The following CACNG2 variants were observed in gnomAD, a reference collection of about 807,000 sequenced individuals.
CACNG2 encodes voltage-dependent calcium channel gamma-2 subunit.
In CACNG2, 3 loss-of-function variants were observed where a neutral mutation model predicts 25.9. That is an observed-to-expected ratio of 0.12 (90% confidence interval 0.05 to 0.30). The LOEUF (loss-of-function observed/expected upper bound fraction) is 0.30. CACNG2 is among the 10% of genes least tolerant of loss of function. CACNG2 has a pLI of 1.00. For missense variants in CACNG2, 341 were observed against 432.5 expected (o/e 0.79, Z 1.88); for synonymous variants, 167 against 173.3 (o/e 0.96, Z 0.29).
chr22:36,596,456 A>T (rs1181853380), intron 1 of CACNG2, among the ~76,000 whole-genome samples: 1 of 151,964 alleles, frequency 6.6e-6, no homozygotes, highest in African/African-American at 2.4e-5. Flanking sequence ...TCATTCTTTC[A>T]GTGGGTAGTT....
chr22:36,595,426 G>A (rs971973140), intron 1 of CACNG2, among the ~76,000 whole-genome samples: 1 of 152,210 alleles, frequency 6.6e-6, no homozygotes, highest in Non-Finnish European at 1.5e-5. Flanking sequence ...GGAACCCACG[G>A]CAAATGCTAC....
chr22:36,641,654 C>T lies in CACNG2; in HGVS notation c.212-54106G>A, dbSNP rs766359536. On this transcript the variant is annotated intron_variant, in intron 1 of 3. Transcript: ENST00000300105. ...CCAGCTCTGTTTAGGTCTGTGTGTA[C>T]GACGATTCTCTAGGCAATTGAATTG... 5.9e-5 allele frequency among the ~76,000 whole-genome samples: 9 copies of T among 152,132 alleles called. No homozygotes were observed. In the South Asian group the frequency reaches 6.2e-4, roughly 11 times the overall value.
intron 1 of CACNG2, among the ~76,000 whole-genome samples, chr22:36,635,449 C>T (rs530045977): frequency 7.6e-4 from 115 of 152,184 alleles, no homozygotes; most frequent in African/African-American, 2.6e-3. Context: ...AAGCTACAAA[C>T]GAGGACAAAG....
chr22:36,626,221 C>A (rs1936181420), intron 1 of CACNG2, among the ~76,000 whole-genome samples: 1 of 152,116 alleles, frequency 6.6e-6, no homozygotes, highest in Non-Finnish European at 1.5e-5. Context: ...CACCCGGCGA[C>A]ACCTTTAAAA....
chr22:36,684,615 C>CAAAAAAA lies in CACNG2; in HGVS notation c.211+17744_211+17750dup, dbSNP rs10647451. 3.1e-3 allele frequency among the ~76,000 whole-genome samples: 315 copies of CAAAAAAA among 101,242 alleles called. 4 individuals are homozygous for CAAAAAAA. Among genetic ancestry groups the CAAAAAAA allele is most frequent in the Middle Eastern group, 0.017 (3 of 176 alleles). 66.4% of individuals were successfully genotyped at this position (101,242 alleles called of 152,430 possible). On this transcript the variant is annotated intron_variant, in intron 1 of 3. Transcript: ENST00000300105. ...TGGGCAACAGAGCGAGACCTTGTCT[C>CAAAAAAA]AAAAAAAAAAAAAAAACAAAGTAAA...
At chr22:36,636,045 A>C (rs1038143084) in intron 1 of CACNG2, among the ~76,000 whole-genome samples, 1 of 152,154 alleles carries the variant, frequency 6.6e-6, no homozygotes. Context: ...TTCTCCAGGC[A>C]GTTCGAGATC....
At chr22:36,686,909 G>A (rs994124702) in intron 1 of CACNG2, among the ~76,000 whole-genome samples, 1 of 152,352 alleles carries the variant, frequency 6.6e-6, no homozygotes, top group African/African-American at 2.4e-5. Flanking sequence ...CTCCAGGCAT[G>A]TGGCCACCTA....
chr22:36,572,655 T>C (rs1935251567), intron 2 of CACNG2, among the ~76,000 whole-genome samples: 1 of 149,952 alleles, frequency 6.7e-6, no homozygotes, highest in Non-Finnish European at 1.5e-5. Context: ...TGAGCTGAGA[T>C]CAAGCCACTG....
At chr22:36,662,198 T>C (rs1211338958) in intron 1 of CACNG2, among the ~76,000 whole-genome samples, 1 of 151,888 alleles carries the variant, frequency 6.6e-6, no homozygotes, top group African/African-American at 2.4e-5. Flanking sequence ...GCCAGGCTGG[T>C]CTCGAACTCC....
chr22:36,642,482 G>T (rs1936454376), intron 1 of CACNG2, among the ~76,000 whole-genome samples: 1 of 152,180 alleles, frequency 6.6e-6, no homozygotes, highest in African/African-American at 2.4e-5. Flanking sequence ...ACATGGTACA[G>T]CTCCACCCAC....
At chr22:36,571,362 C>G (rs1347239043) in intron 2 of CACNG2, among the ~76,000 whole-genome samples, 1 of 152,080 alleles carries the variant, frequency 6.6e-6, no homozygotes, top group Non-Finnish European at 1.5e-5. Flanking sequence ...GAGGCTGAGG[C>G]AGGAGAACCG....
chr22:36,583,185 C>T (rs1935448011), intron 2 of CACNG2, among the ~76,000 whole-genome samples: 2 of 151,786 alleles, frequency 1.3e-5, no homozygotes, highest in East Asian at 3.9e-4. Flanking sequence ...CTATTCGCAG[C>T]ACTTTGGGAG....
In CACNG2 at chr22:36,563,370, G is replaced by GT. The variant is rs1239465114; in HGVS notation, c.*980_*981insA. ...GGAGAGCTGTTTCATGTCCCCCGGG[G>GT]GGGGGGGTGGCATCTCCTGACCCCA... On this transcript the variant is annotated 3_prime_UTR_variant, in exon 4 of 4. Coordinates refer to ENST00000300105, the MANE Select transcript of CACNG2 (RefSeq NM_006078.5). Among the ~76,000 whole-genome samples the GT allele has an allele frequency of 4.6e-5, 2 of 43,068 alleles. No homozygotes were observed. Among genetic ancestry groups the GT allele is most frequent in the East Asian group, 3.6e-4 (1 of 2,742 alleles). The allele number at this position is 43,068 out of a possible 152,430, so 28.3% of individuals were successfully genotyped here.
rs376044319 is a variant in CACNG2, at chr22:36,667,339, C to T, written c.211+35027G>A. Among the ~76,000 whole-genome samples the T allele has an allele frequency of 1.7e-4, 26 of 152,312 alleles. 1 individual carries two copies. The highest frequency in any genetic ancestry group is 6.2e-4 in the South Asian group (3 of 4,822). On this transcript the variant is annotated intron_variant, in intron 1 of 3. Transcript: ENST00000300105. ...CTGGAACTCACCACTTCTTCTTTTGCGCTGCACTGAGCCCCTCTCTGGGTT... is the reference window on the plus strand; with the variant it reads ...CTGGAACTCACCACTTCTTCTTTTGTGCTGCACTGAGCCCCTCTCTGGGTT...
intron 1 of CACNG2, among the ~76,000 whole-genome samples, chr22:36,596,472 CT>C (rs1000446684): frequency 6.6e-6 from 1 of 152,048 alleles, no homozygotes; most frequent in East Asian, 1.9e-4. Flanking sequence ...TAGTTTCTTT[CT>C]TTTTTTGTTT....
chr22:36,673,618 A>T (rs1192582735), intron 1 of CACNG2, among the ~76,000 whole-genome samples: 1 of 151,556 alleles, frequency 6.6e-6, no homozygotes, highest in Non-Finnish European at 1.5e-5. Flanking sequence ...TGGGCAGTGT[A>T]TGCTGGCAGG....
intron 1 of CACNG2, among the ~76,000 whole-genome samples, chr22:36,697,683 G>C (rs890667275): frequency 1.3e-5 from 2 of 152,154 alleles, no homozygotes; most frequent in African/African-American, 4.8e-5. Context: ...AGGCCTGGCT[G>C]TATGGAAAAG....
At position 36,598,909 on chromosome 22, in the gene CACNG2, C is replaced by T. The variant is rs140599289; in HGVS notation, c.212-11361G>A. ...TGGGAGATTGCTTGAACCTGGGAGG[C>T]GGAGGTTGCAGTGAGCCAAGATCAT... On this transcript the variant is annotated intron_variant, in intron 1 of 3. Coordinates refer to ENST00000300105, the MANE Select transcript of CACNG2 (RefSeq NM_006078.5). 2.1e-3 allele frequency among the ~76,000 whole-genome samples: 322 copies of T among 152,228 alleles called. 1 individual carries two copies. The highest frequency in any genetic ancestry group is 3.4e-3 in the Non-Finnish European group (233 of 68,014).
intron 1 of CACNG2, among the ~76,000 whole-genome samples, chr22:36,625,995 C>T (rs1315618707): frequency 6.6e-6 from 1 of 152,170 alleles, no homozygotes; most frequent in Non-Finnish European, 1.5e-5. Context: ...TCTCGGCTCA[C>T]TGCAACCTCC....
Sources: gnomAD v4.1 joint callset for allele counts (sites outside exome capture counted in the v4.1 genomes callset) on GRCh38, gnomAD v4.1.1 for gene constraint, MANE v1.5 for transcripts, NCBI Gene and HGNC (gene_info 2026-07-23, HGNC 2026-07-21) for gene names.